The following ITGA2 variants were observed in gnomAD, a reference collection of about 807,000 sequenced individuals.
The protein encoded by ITGA2 is integrin subunit alpha 2, also known as integrin alpha-2.
In ITGA2, 101 loss-of-function variants were observed where a neutral mutation model predicts 146.3. That is an observed-to-expected ratio of 0.69 (90% CI 0.59 to 0.81). The LOEUF (loss-of-function observed/expected upper bound fraction) is 0.81. Ranked by LOEUF, ITGA2 falls within the 40% of genes least tolerant of loss-of-function variation. The probability of loss-of-function intolerance (pLI) is 0.00; values close to 1 mark genes in which losing one functional copy is unlikely to be tolerated. For synonymous variants in ITGA2, 477 were observed against 487.1 expected (o/e 0.98, Z 0.27); for missense variants, 1,281 against 1,402.7 (o/e 0.91, Z 1.39).
At chr5:53,078,972 G>C in intron 24 of ITGA2, 98 bp downstream of exon 24, 1 of 753,958 alleles carries the variant, frequency 1.3e-6, no homozygotes, top group Non-Finnish European at 2.3e-6. Context: ...GAAATTGAAA[G>C]AGATCCGTGG....
At chr5:53,060,090 AG>A (rs1415362403) in intron 11 of ITGA2, 78 bp downstream of exon 11, 3 of 1,434,214 alleles carry the variant, frequency 2.1e-6, no homozygotes, top group Non-Finnish European at 2.9e-6. Context: ...TCTCAGGGTG[AG>A]TTCAGCAAAA....
Position 53,056,510 on chromosome 5 carries a change from A to T in ITGA2, c.1096+361A>T, listed in dbSNP as rs181742643. Among the ~76,000 whole-genome samples the T allele has an allele frequency of 3.3e-5, 5 of 152,112 alleles. No homozygotes were observed. The East Asian group carries it at 7.7e-4, about 24-fold the overall frequency. The stretch of plus-strand genomic sequence containing the variant: ...AAGAAGCTCATACACTGTTGATAGG[A>T]TGATAAATTGTTATGACTTTTGGGG... On this transcript the variant is annotated intron_variant, in intron 9 of 29. Transcript: ENST00000296585.
intron 1 of ITGA2, among the ~76,000 whole-genome samples, chr5:52,996,292 T>G (rs1462710961): frequency 6.6e-6 from 1 of 152,140 alleles, no homozygotes; most frequent in East Asian, 1.9e-4. Flanking sequence ...GAGGTATATG[T>G]ATGTGGCAGA....
In ITGA2 at chr5:53,090,913, C is replaced by T; in HGVS notation, c.*314C>T. On this transcript the variant is annotated 3_prime_UTR_variant, in exon 30 of 30. Transcript: ENST00000296585. ...TTGTGTCAGAAACATGAAATGCTTC[C>T]AAGCATGACAACTTTTAAAGAAAAA... 3.6e-6 allele frequency: 2 copies of T among 555,662 alleles called. No homozygotes were observed. Among genetic ancestry groups the T allele is most frequent in the Non-Finnish European group, 6.4e-6 (2 of 314,680 alleles). The allele number at this position is 555,662 out of a possible 1,614,324, so 34.4% of individuals were successfully genotyped here.
At chr5:53,023,407 T>C (rs1352736832) in intron 1 of ITGA2, among the ~76,000 whole-genome samples, 1 of 152,256 alleles carries the variant, frequency 6.6e-6, no homozygotes, top group Admixed American at 6.5e-5. Context: ...ATCTCCTCTG[T>C]GAAACCTTTG....
At chr5:53,086,461 C>T (rs530764964) in intron 27 of ITGA2, among the ~76,000 whole-genome samples, 2 of 152,270 alleles carry the variant, frequency 1.3e-5, no homozygotes, top group South Asian at 4.1e-4. Flanking sequence ...CACATGTACC[C>T]AGAAGGAAAG....
At chr5:53,058,389 A>C (rs924436984) in intron 10 of ITGA2, among the ~76,000 whole-genome samples, 2 of 152,056 alleles carry the variant, frequency 1.3e-5, no homozygotes, top group African/African-American at 4.8e-5. Flanking sequence ...TTAAGGTATT[A>C]TTCCTGCAGG....
At chr5:53,051,266 GTAAC>G (rs1561124080) in intron 6 of ITGA2, 141 bp from the exon 7 acceptor site, 2 of 774,820 alleles carry the variant, frequency 2.6e-6, no homozygotes, top group Non-Finnish European at 4.3e-6. Flanking sequence ...TGAAAGAAAA[GTAAC>G]TATCAAGAAC....
At chr5:53,055,930 A>T in intron 8 of ITGA2, 54 bp from the exon 9 acceptor site, 1 of 1,522,616 alleles carries the variant, frequency 6.6e-7, no homozygotes, top group South Asian at 1.1e-5. Context: ...GAATGTACTC[A>T]TAGGGAAAAT....
chr5:52,990,561 G>A (rs1009284255), intron 1 of ITGA2, among the ~76,000 whole-genome samples: 2 of 102,740 alleles, frequency 1.9e-5, no homozygotes, highest in Admixed American at 1.4e-4. Flanking sequence ...TTTAAAGTGT[G>A]TGTGTGGTTT....
In ITGA2 at chr5:53,086,965, C is replaced by A. The variant is rs1579912684; in HGVS notation, c.3272C>A (p.Thr1091Lys). Residue 1091 changes from threonine to lysine, a missense_variant, in exon 28 of 30, where the codon ACA becomes AAA. Coordinates refer to ENST00000296585, the MANE Select transcript of ITGA2 (RefSeq NM_002203.4). Reference protein sequence around the residue: ...NGTFASSTFQTVQLTAAAEIN... With the variant: ...NGTFASSTFQKVQLTAAAEIN... ...CTTATGTTCCAGTCAACGTTCCAGA[C>A]AGTACAGCTAACGGCAGCTGCAGAA... 1 of 1,613,246 alleles carries A rather than the reference C, an allele frequency of 6.2e-7. No individual in the cohort carries two copies. The highest frequency in any genetic ancestry group is 1.7e-5 in the Admixed American group (1 of 60,014).
At chr5:53,048,557 CA>C (rs1339673992) in intron 5 of ITGA2, 80 bp downstream of exon 5, 1 of 1,609,070 alleles carries the variant, frequency 6.2e-7, no homozygotes, top group Non-Finnish European at 8.5e-7. Context: ...TAGTGGCACC[CA>C]AACCCTCCTT....
At position 53,071,289 on chromosome 5, in the gene ITGA2, C is replaced by G. The variant is rs563562399; in HGVS notation, c.2236-649C>G. ...AATCTTATTTCCCTTCTCTCCCATC[C>G]TGTGCTGACTGGTGGATCAGATTAT... On this transcript the variant is annotated intron_variant, in intron 17 of 29. Coordinates refer to ENST00000296585, the MANE Select transcript of ITGA2 (RefSeq NM_002203.4). Among the ~76,000 whole-genome samples, 171 of 151,986 alleles carry G rather than the reference C, an allele frequency of 1.1e-3. 1 individual carries two copies. The highest frequency in any genetic ancestry group is 2.0e-3 in the Non-Finnish European group (133 of 67,864).
At chr5:53,072,760 C>T (rs972732478) in intron 19 of ITGA2, 65 bp downstream of exon 19, 1 of 1,284,870 alleles carries the variant, frequency 7.8e-7, no homozygotes, top group South Asian at 1.2e-5. Context: ...TTACTTTATT[C>T]AAACGAATGT....
In ITGA2 at chr5:53,083,459, T is replaced by C; in HGVS notation, c.3258+6T>C. Reference sequence around the variant, plus strand: ...GGAACGGGACTTTCGCATCAGTAAGTATCAGTTTTATTTGTTAGATTTATC... The same window carrying C: ...GGAACGGGACTTTCGCATCAGTAAGCATCAGTTTTATTTGTTAGATTTATC... On this transcript the variant is annotated splice_donor_region_variant and intron_variant, in intron 27 of 29. Coordinates refer to ENST00000296585, the MANE Select transcript of ITGA2 (RefSeq NM_002203.4). 4 of 1,456,400 alleles carry C rather than the reference T, an allele frequency of 2.7e-6. No individual in the cohort carries two copies. Among genetic ancestry groups the C allele is most frequent in the Non-Finnish European group, 1.9e-6 (2 of 1,035,948 alleles). The allele number at this position is 1,456,400 out of a possible 1,614,324, so 90.2% of individuals were successfully genotyped here.
At chr5:53,069,662 A>C (rs1218609480) in intron 16 of ITGA2, among the ~76,000 whole-genome samples, 1 of 151,958 alleles carries the variant, frequency 6.6e-6, no homozygotes, top group Non-Finnish European at 1.5e-5. Flanking sequence ...TTGAAAAATA[A>C]GATAATAAAA....
At chr5:53,002,677 G>T (rs992689356) in intron 1 of ITGA2, among the ~76,000 whole-genome samples, 2 of 152,094 alleles carry the variant, frequency 1.3e-5, no homozygotes, top group African/African-American at 2.4e-5. Flanking sequence ...CATTGTACAA[G>T]AAGTTTTTTC....
intron 1 of ITGA2, among the ~76,000 whole-genome samples, chr5:53,007,754 C>T (rs1185002014): frequency 6.6e-6 from 1 of 152,070 alleles, no homozygotes; most frequent in African/African-American, 2.4e-5. Flanking sequence ...AGCACTAAGT[C>T]ATAATAAATG....
chr5:53,012,260 T>TA (rs963535843), intron 1 of ITGA2, among the ~76,000 whole-genome samples: 1 of 152,168 alleles, frequency 6.6e-6, no homozygotes, highest in African/African-American at 2.4e-5. Flanking sequence ...TTTATTTGGA[T>TA]AAAAAAGGAT....
Sources: gnomAD v4.1 joint callset for allele counts (sites outside exome capture counted in the v4.1 genomes callset) on GRCh38, gnomAD v4.1.1 for gene constraint, MANE v1.5 for transcripts, NCBI Gene and HGNC (gene_info 2026-07-23, HGNC 2026-07-21) for gene names.